The following MARCHF7 variants were observed in gnomAD, a reference collection of about 807,000 sequenced individuals.
The protein encoded by MARCHF7 is E3 ubiquitin-protein ligase MARCHF7.
MARCHF7 carries 20 observed loss-of-function variants against 76.5 expected under a neutral mutation model. That is an observed-to-expected ratio of 0.26 (90% CI 0.18 to 0.38). The LOEUF (loss-of-function observed/expected upper bound fraction) is 0.38, where lower values mean the gene tolerates loss of function less well. Among genes scored for constraint, MARCHF7 ranks in the 10% least tolerant of loss-of-function variants. MARCHF7 has a pLI of 1.00. For synonymous variants in MARCHF7, 295 were observed against 293.0 expected (o/e 1.01, Z -0.07); for missense variants, 797 against 812.9 (o/e 0.98, Z 0.24).
intron 11 of MARCHF7, 71 bp from the exon 12 acceptor site, chr2:159,767,213 G>C: frequency 9.3e-7 from 1 of 1,076,698 alleles, no homozygotes; most frequent in Non-Finnish European, 1.4e-6. Flanking sequence ...TGCTGTTCTG[G>C]CTTCATATTT....
At chr2:159,721,454 G>A (rs1291459694) in intron 3 of MARCHF7, among the ~76,000 whole-genome samples, 1 of 152,110 alleles carries the variant, frequency 6.6e-6, no homozygotes, top group Non-Finnish European at 1.5e-5. Context: ...ATGCCTTAAG[G>A]TGAAGACATA....
At chr2:159,716,348 T>C (rs1328189801) in intron 3 of MARCHF7, among the ~76,000 whole-genome samples, 2 of 152,056 alleles carry the variant, frequency 1.3e-5, no homozygotes, top group African/African-American at 2.4e-5. Context: ...TGCAAGACTC[T>C]TGAAATATTG....
Position 159,764,692 on chromosome 2 carries a change from T to G in MARCHF7, c.2056+18T>G. 6.3e-7 allele frequency: 1 copy of G among 1,588,438 alleles called. No individual in the cohort carries two copies. Among genetic ancestry groups the G allele is most frequent in the South Asian group, 1.1e-5 (1 of 87,566 alleles). ...TCTCGAAAGTAGGTGGAATTTCCCCTCCCCAGACTTGTTGAATTTACTTTT... is the reference window on the plus strand; with the variant it reads ...TCTCGAAAGTAGGTGGAATTTCCCCGCCCCAGACTTGTTGAATTTACTTTT... On this transcript the variant is annotated intron_variant, in intron 11 of 11. Coordinates refer to ENST00000409175, the MANE Select transcript of MARCHF7 (RefSeq NM_001282805.2).
At position 159,748,848 on chromosome 2, in the gene MARCHF7, A is replaced by C. The variant is rs980357497; in HGVS notation, c.1558A>C (p.Lys520Gln). The C allele has an allele frequency of 6.2e-7, 1 of 1,613,794 alleles. No individual in the cohort carries two copies. Among genetic ancestry groups the C allele is most frequent in the Non-Finnish European group, 8.5e-7 (1 of 1,179,916 alleles). Residue 520 changes from lysine to glutamine, a missense_variant, in exon 7 of 12, where the codon AAA becomes CAA. Coordinates refer to ENST00000409175, the MANE Select transcript of MARCHF7 (RefSeq NM_001282805.2). ...GAATTCAGCTGATGGTAAAAGTGAT[A>C]AAACTAAAAGTGCGCCTTCAAGAGA... ...GWNSADGKSDKTKSAPSRDPE... is the reference protein window; with the variant it reads ...GWNSADGKSDQTKSAPSRDPE...
Position 159,769,774 on chromosome 2 carries a change from A to G in MARCHF7, c.*2432A>G, listed in dbSNP as rs1708075957. On this transcript the variant is annotated 3_prime_UTR_variant, in exon 12 of 12. Coordinates refer to ENST00000409175, the MANE Select transcript of MARCHF7 (RefSeq NM_001282805.2). The stretch of plus-strand genomic sequence containing the variant: ...AGCTGCCATTAGGTAGAAAGTATCA[A>G]AATGTACAAAAGAAAGTTGTATGGG... The G allele has an allele frequency of 6.6e-6, 1 of 152,216 alleles. No homozygotes were observed. The highest frequency in any genetic ancestry group is 2.1e-4 in the South Asian group (1 of 4,836). The allele number at this position is 152,216 out of a possible 1,614,324, so 9.4% of individuals were successfully genotyped here. A position where few individuals can be genotyped will look rare whatever the true frequency, so the allele number is the denominator to read the frequency against.
intron 7 of MARCHF7, among the ~76,000 whole-genome samples, chr2:159,750,019 A>G (rs576543812): frequency 9.8e-5 from 15 of 152,340 alleles, no homozygotes; most frequent in Middle Eastern, 6.8e-3. Flanking sequence ...ATAAAATTTG[A>G]TGCACAAAAT....
rs1706873509 is a variant in MARCHF7 at position 159,760,270 on chromosome 2, T to G, written c.1893+935T>G. On this transcript the variant is annotated intron_variant, in intron 9 of 11. Coordinates refer to ENST00000409175, the MANE Select transcript of MARCHF7 (RefSeq NM_001282805.2). ...GAATAATAGATACCCTTTGAAAATC[T>G]GATTAAAACTATGTACCCTTCTTAT... Among the ~76,000 whole-genome samples the G allele has an allele frequency of 2.0e-5, 3 of 152,250 alleles. No individual in the cohort carries two copies. The South Asian group carries it at 6.2e-4, about 31-fold the overall frequency.
intron 7 of MARCHF7, among the ~76,000 whole-genome samples, chr2:159,750,668 C>G (rs1705530991): frequency 6.6e-6 from 1 of 152,130 alleles, no homozygotes; most frequent in Admixed American, 6.5e-5. Context: ...TTAGTCCCAG[C>G]CTGACTCTTA....
chr2:159,730,815 A>T (rs1419920509), intron 4 of MARCHF7, among the ~76,000 whole-genome samples: 1 of 152,216 alleles, frequency 6.6e-6, no homozygotes, highest in Non-Finnish European at 1.5e-5. Context: ...ACCAGACTGT[A>T]CTGCCTAGAG....
intron 4 of MARCHF7, among the ~76,000 whole-genome samples, chr2:159,737,499 A>G (rs539697449): frequency 6.6e-5 from 10 of 152,330 alleles, no homozygotes; most frequent in African/African-American, 2.4e-4. Flanking sequence ...AAAAAGATGG[A>G]TAGGCTGGGC....
chr2:159,728,140 T>C (rs1199403604), intron 3 of MARCHF7, among the ~76,000 whole-genome samples: 1 of 152,244 alleles, frequency 6.6e-6, no homozygotes, highest in African/African-American at 2.4e-5. Flanking sequence ...ATGTGCAAAT[T>C]GCTTAACCTC....
chr2:159,741,832 A>G (rs1235685263), intron 4 of MARCHF7, among the ~76,000 whole-genome samples: 2 of 152,150 alleles, frequency 1.3e-5, no homozygotes, highest in African/African-American at 2.4e-5. Context: ...AATTACTTTT[A>G]TTTTAGAGGT....
At chr2:159,715,358 T>TGGGG (rs375225318) in intron 2 of MARCHF7, among the ~76,000 whole-genome samples, 42 of 150,736 alleles carry the variant, frequency 2.8e-4, no homozygotes, top group African/African-American at 1.0e-3. Flanking sequence ...AGAGTTTAGG[T>TGGGG]GGGGGGGGTA....
In MARCHF7 at chr2:159,768,119, A is replaced by G. The variant is rs1025402732; in HGVS notation, c.*777A>G. ...GTTTAAAAAAATTATTGCAATCTCA[A>G]GTTAATGGAATATTTTTAAATCCCA... On this transcript the variant is annotated 3_prime_UTR_variant, in exon 12 of 12. Coordinates refer to ENST00000409175, the MANE Select transcript of MARCHF7 (RefSeq NM_001282805.2). 6.6e-6 allele frequency: 1 copy of G among 152,554 alleles called. No individual in the cohort carries two copies. Among genetic ancestry groups the G allele is most frequent in the Non-Finnish European group, 1.5e-5 (1 of 67,980 alleles). 9.5% of individuals were successfully genotyped at this position (152,554 alleles called of 1,614,324 possible).
chr2:159,731,357 C>G (rs1702765092), intron 4 of MARCHF7, among the ~76,000 whole-genome samples: 1 of 152,134 alleles, frequency 6.6e-6, no homozygotes, highest in African/African-American at 2.4e-5. Context: ...AGTGTAGGTG[C>G]TAAAATCCTG....
At chr2:159,719,704 A>G (rs1701419188) in intron 3 of MARCHF7, among the ~76,000 whole-genome samples, 1 of 152,006 alleles carries the variant, frequency 6.6e-6, no homozygotes, top group Admixed American at 6.6e-5. Flanking sequence ...CATTGGGGCT[A>G]TGTCTTGGTC....
intron 3 of MARCHF7, among the ~76,000 whole-genome samples, chr2:159,718,061 G>A (rs1701237247): frequency 6.6e-6 from 1 of 152,210 alleles, no homozygotes; most frequent in Admixed American, 6.5e-5. Flanking sequence ...GCTAGTATTT[G>A]CTGAACACAT....
chr2:159,748,236 G>T lies in MARCHF7; in HGVS notation c.946G>T (p.Val316Phe), dbSNP rs775300492. The T allele has an allele frequency of 6.2e-7, 1 of 1,613,746 alleles. No individual in the cohort carries two copies. Among genetic ancestry groups the T allele is most frequent in the Non-Finnish European group, 8.5e-7 (1 of 1,179,984 alleles). Residue 316 changes from valine to phenylalanine, a missense_variant, in exon 7 of 12, where the codon GTT becomes TTT. This residue lies in a region of MARCHF7 where 643 missense variants were observed against 631.5 expected (regional missense o/e 1.02). Transcript: ENST00000409175. ...TRSLNSENSY[V>F]SPRILTASQS... The stretch of plus-strand genomic sequence containing the variant: ...ATCATTGAATTCTGAAAATTCTTAC[G>T]TTTCTCCAAGAATCTTGACAGCTTC...
intron 3 of MARCHF7, among the ~76,000 whole-genome samples, chr2:159,726,510 C>CCT (rs146942404): frequency 0.041 from 6,196 of 152,146 alleles, 473 homozygotes; most frequent in African/African-American, 0.14. Context: ...GATCCGCCTG[C>CCT]CTCAGCCTCC....
Sources: allele counts gnomAD v4.1 joint callset (sites outside exome capture counted in the v4.1 genomes callset), GRCh38; gene constraint gnomAD v4.1.1; regional missense constraint gnomAD v4.1.1; transcripts MANE v1.5; gene names NCBI Gene and HGNC (gene_info 2026-07-23, HGNC 2026-07-21).